Variants in FAM149B1 observed in about 807,000 individuals in gnomAD.
FAM149B1 encodes the protein family with sequence similarity 149 member B1, also known as primary cilium assembly protein FAM149B1.
Under a neutral mutation model 75.3 loss-of-function variants are expected in FAM149B1, and 56 were observed. The observed-to-expected ratio is 0.74, with a 90% confidence interval of 0.60 to 0.93. The LOEUF (loss-of-function observed/expected upper bound fraction) is 0.93. Among genes scored for constraint, FAM149B1 ranks in the 40% least tolerant of loss-of-function variants. The pLI is 0.00. For missense variants in FAM149B1, 639 were observed against 708.4 expected (o/e 0.90, Z 1.11); for synonymous variants, 259 against 256.1 (o/e 1.01, Z -0.11).
chr10:73,201,746 A>G (rs1204509153), intron 5 of FAM149B1, among the ~76,000 whole-genome samples: 1 of 152,188 alleles, frequency 6.6e-6, no homozygotes, highest in Non-Finnish European at 1.5e-5. Flanking sequence ...ACTGGACCCT[A>G]TGGCTAAGCC....
intron 5 of FAM149B1, among the ~76,000 whole-genome samples, chr10:73,206,563 C>G (rs2043062325): frequency 6.6e-6 from 1 of 152,236 alleles, no homozygotes; most frequent in South Asian, 2.1e-4. Flanking sequence ...CCCCTCCCAT[C>G]ACAGGCCCAG....
intron 2 of FAM149B1, 34 bp downstream of exon 2, chr10:73,174,825 C>A: frequency 7.1e-7 from 1 of 1,402,362 alleles, no homozygotes; most frequent in Non-Finnish European, 9.9e-7. Context: ...TTACTTATTG[C>A]ACTTGCTCAT....
In FAM149B1 at chr10:73,193,569, T is replaced by C. The variant is rs1487614258; in HGVS notation, c.518T>C (p.Leu173Ser). ...SAVSASYETT[L>S]SQERDSTIFG... ...GTTTCCGCTTCATATGAAACAACCT[T>C]GTCTCAAGAAAGAGATTCTACTATG... The change falls in exon 5 of 14, where the codon TTG becomes TCG. Residue 173 changes from leucine to serine, a missense_variant. Coordinates refer to ENST00000242505, the MANE Select transcript of FAM149B1 (RefSeq NM_173348.2). The C allele has an allele frequency of 3.9e-6, 6 of 1,550,992 alleles. No individual in the cohort carries two copies. In the African/African-American group the frequency reaches 8.2e-5, roughly 21 times the overall value.
intron 3 of FAM149B1, among the ~76,000 whole-genome samples, chr10:73,186,092 A>G (rs1256653681): frequency 6.6e-6 from 1 of 152,188 alleles, no homozygotes. Context: ...TGACCAAGTG[A>G]GTAAATAGGA....
In FAM149B1 at chr10:73,233,067, G is replaced by A. The variant is rs968366251; in HGVS notation, c.1256G>A (p.Arg419His). The change falls in exon 10 of 14, where the codon CGC (arginine) becomes CAC (histidine). Residue 419 changes from arginine (R) to histidine (H), a missense_variant. Transcript: ENST00000242505. ...LSYTVQSTRR[R>H]NPPPRTLHPI... Reference sequence around the variant, plus strand: ...TACACAGTGCAGTCCACCAGGAGACGCAATCCACCACCACGAACTCTTCAT... The same window carrying A: ...TACACAGTGCAGTCCACCAGGAGACACAATCCACCACCACGAACTCTTCAT... 29 of 1,551,496 alleles carry A rather than the reference G, an allele frequency of 1.9e-5. No homozygotes were observed. The highest frequency in any genetic ancestry group is 1.7e-4 in the Middle Eastern group (1 of 6,014).
intron 2 of FAM149B1, among the ~76,000 whole-genome samples, chr10:73,175,305 G>A (rs1417500672): frequency 6.6e-6 from 1 of 152,222 alleles, no homozygotes; most frequent in Non-Finnish European, 1.5e-5. Context: ...AGAAGGTCAA[G>A]GCTGCAGTAA....
chr10:73,234,128 G>A (rs2043770409), intron 10 of FAM149B1: 1 of 152,226 alleles, frequency 6.6e-6, no homozygotes, highest in African/African-American at 2.4e-5. Flanking sequence ...TCAAAGGTAT[G>A]AGATAATAAG....
Position 73,201,058 on chromosome 10 carries a change from A to G in FAM149B1, c.542+7465A>G, listed in dbSNP as rs1320751311. 1.7e-5 allele frequency: 5 copies of G among 300,402 alleles called. No homozygotes were observed. In the Admixed American group the frequency reaches 1.8e-4, roughly 11 times the overall value. The allele number at this position is 300,402 out of a possible 1,614,324, so 18.6% of individuals were successfully genotyped here. ...TTCGGTTATAAACTATGATCTACCT[A>G]GCAGTCATGAAAACTGTATTCGCAG... On this transcript the variant is annotated intron_variant, in intron 5 of 13. Transcript: ENST00000242505.
intron 5 of FAM149B1, among the ~76,000 whole-genome samples, chr10:73,197,848 A>G (rs1225804251): frequency 2.0e-5 from 3 of 152,166 alleles, no homozygotes; most frequent in Non-Finnish European, 4.4e-5. Flanking sequence ...AGGATCCTGA[A>G]GAGATGAGTT....
intron 3 of FAM149B1, among the ~76,000 whole-genome samples, chr10:73,188,777 GGA>G (rs2042602580): frequency 1.6e-5 from 2 of 122,912 alleles, no homozygotes; most frequent in Middle Eastern, 3.5e-3. Context: ...AAGGAAGGAA[GGA>G]AGGAAGGAAG....
At chr10:73,221,258 G>A (rs1000901849) in intron 7 of FAM149B1, among the ~76,000 whole-genome samples, 1 of 152,112 alleles carries the variant, frequency 6.6e-6, no homozygotes, top group African/African-American at 2.4e-5. Flanking sequence ...TTAAAATGAT[G>A]AATTTTATGT....
chr10:73,214,146 A>G (rs1277714131), intron 7 of FAM149B1, among the ~76,000 whole-genome samples: 1 of 152,208 alleles, frequency 6.6e-6, no homozygotes, highest in Non-Finnish European at 1.5e-5. Context: ...TTGAAACCCT[A>G]CTGATTTTTG....
rs1219638088 is a variant in FAM149B1, at chr10:73,241,949, AAC to A, written c.*932_*933del. 3.9e-5 allele frequency: 6 copies of A among 152,348 alleles called. No homozygotes were observed. The East Asian group carries it at 9.6e-4, about 24-fold the overall frequency. 9.4% of individuals were successfully genotyped at this position (152,348 alleles called of 1,614,324 possible). A position where few individuals can be genotyped will look rare whatever the true frequency, so the allele number is the denominator to read the frequency against. On this transcript the variant is annotated 3_prime_UTR_variant, in exon 14 of 14. Transcript: ENST00000242505. ...TCCTAAGGGCATTCATGAATGCAGC[AAC>A]AGTTTTAACTATGGCTTACATTTAT...
intron 5 of FAM149B1, among the ~76,000 whole-genome samples, chr10:73,202,938 G>A (rs1393507605): frequency 6.6e-6 from 1 of 152,028 alleles, no homozygotes; most frequent in Non-Finnish European, 1.5e-5. Context: ...CCATCCCAGT[G>A]CCACCTGCCA....
At chr10:73,177,812 T>A in intron 2 of FAM149B1, 34 bp from the exon 3 acceptor site, 1 of 1,531,892 alleles carries the variant, frequency 6.5e-7, no homozygotes, top group Non-Finnish European at 8.7e-7. Flanking sequence ...AAAAATTTTC[T>A]TTTTTCTCTC....
chr10:73,218,093 C>T (rs2043335275), intron 7 of FAM149B1, among the ~76,000 whole-genome samples: 1 of 152,068 alleles, frequency 6.6e-6, no homozygotes, highest in African/African-American at 2.4e-5. Flanking sequence ...ACCCAACATA[C>T]AAGAGTGGGA....
intron 4 of FAM149B1, 87 bp from the exon 5 acceptor site, chr10:73,193,390 G>A: frequency 7.6e-7 from 1 of 1,322,926 alleles, no homozygotes; most frequent in Non-Finnish European, 1.0e-6. Context: ...TTTATGTTGA[G>A]CCATCAAATG....
At chr10:73,205,639 C>T (rs187939200) in intron 5 of FAM149B1, among the ~76,000 whole-genome samples, 71 of 152,142 alleles carry the variant, frequency 4.7e-4, no homozygotes, top group Middle Eastern at 6.8e-3. Context: ...CCACAACCTC[C>T]GCCTCCCGGA....
intron 1 of FAM149B1, 51 bp from the exon 2 acceptor site, chr10:73,174,635 AT>A (rs1295531927): frequency 1.6e-6 from 2 of 1,285,198 alleles, no homozygotes; most frequent in Non-Finnish European, 2.2e-6. Flanking sequence ...AAATTATTGA[AT>A]TGTATGTATT....
Sources: allele counts gnomAD v4.1 joint callset (sites outside exome capture counted in the v4.1 genomes callset), GRCh38; gene constraint gnomAD v4.1.1; transcripts MANE v1.5; gene names NCBI Gene and HGNC (gene_info 2026-07-23, HGNC 2026-07-21).